The following INSL6 variants were observed in gnomAD, a reference collection of about 807,000 sequenced individuals.
INSL6 encodes the protein insulin like 6, also known as insulin-like peptide INSL6.
INSL6 carries 16 observed loss-of-function variants against 9.4 expected under a neutral mutation model. That is an observed-to-expected ratio of 1.70 (90% CI 1.15 to 2.59). INSL6 has a LOEUF of 2.59. Ranked by LOEUF, INSL6 falls within the 30% of genes most tolerant of loss-of-function variation. The pLI is 0.00. For missense variants in INSL6, 391 were observed against 257.3 expected, an observed-to-expected ratio of 1.52 and a Z score of -3.56; for synonymous variants, 154 against 96.9, an observed-to-expected ratio of 1.59 and a Z score of -3.46.
intron 1 of INSL6, among the ~76,000 whole-genome samples, chr9:5,170,378 T>C (rs1187026153): frequency 6.6e-6 from 1 of 152,132 alleles, no homozygotes; most frequent in Non-Finnish European, 1.5e-5. Flanking sequence ...TTTATAGCGC[T>C]AAATGCCCAT....
At chr9:5,085,426 A>G in the INSL6 span, 15 of 749,576 alleles carry the variant, frequency 2.0e-5, no homozygotes, top group Admixed American at 3.5e-5. Flanking sequence ...ACTGTTGGCT[A>G]TCAGGCTCGC....
intron 2 of INSL6, among the ~76,000 whole-genome samples, chr9:5,135,741 A>T (rs552659059): frequency 4.1e-4 from 62 of 152,298 alleles, no homozygotes; most frequent in Non-Finnish European, 6.3e-4. Context: ...ACAAATTTAA[A>T]AGCTAGCAGA....
the INSL6 span, among the ~76,000 whole-genome samples, chr9:5,089,496 C>T: frequency 1.4e-5 from 2 of 138,682 alleles, no homozygotes; most frequent in South Asian, 4.6e-4. Flanking sequence ...CGAGATCGTG[C>T]CACTGCACTC....
intron 2 of INSL6, among the ~76,000 whole-genome samples, chr9:5,138,191 A>G (rs1824422947): frequency 6.6e-6 from 1 of 152,226 alleles, no homozygotes; most frequent in African/African-American, 2.4e-5. Context: ...TCAAGGATCT[A>G]GAGTTAGAAA....
At chr9:5,103,764 C>G in the INSL6 span, among the ~76,000 whole-genome samples, 1 of 152,150 alleles carries the variant, frequency 6.6e-6, no homozygotes, top group African/African-American at 2.4e-5. Context: ...CTAAGAAACT[C>G]ACTCAAAACC....
At chr9:5,071,049 G>A in the INSL6 span, among the ~76,000 whole-genome samples, 95,480 of 152,060 alleles carry the variant, frequency 0.63, 32,061 homozygotes, top group African/African-American at 0.88. Flanking sequence ...CTGCGCTTCT[G>A]GTGAGGAAAA....
chr9:5,121,859 G>C (rs1823638531), downstream of INSL6, among the ~76,000 whole-genome samples: 1 of 152,130 alleles, frequency 6.6e-6, no homozygotes, highest in South Asian at 2.1e-4. Flanking sequence ...ATTACAATGA[G>C]TGCTATATGA....
chr9:4,998,401 C>CAT, the INSL6 span, among the ~76,000 whole-genome samples: 1 of 151,862 alleles, frequency 6.6e-6, no homozygotes, highest in Non-Finnish European at 1.5e-5. Context: ...GGATTATAGG[C>CAT]GCGCACCACC....
chr9:5,123,106 T>G (rs1823738719), downstream of INSL6: 1 of 1,599,572 alleles, frequency 6.3e-7, no homozygotes, highest in Middle Eastern at 1.7e-4. Flanking sequence ...TTGAGAAGAG[T>G]AAAAGTCCAC....
the INSL6 span, among the ~76,000 whole-genome samples, chr9:5,066,419 T>C: frequency 5.3e-5 from 8 of 152,104 alleles, no homozygotes; most frequent in African/African-American, 1.9e-4. Context: ...AATGAACAAA[T>C]TGTTCTTTGT....
the INSL6 span, among the ~76,000 whole-genome samples, chr9:5,070,612 T>C: frequency 2.6e-5 from 4 of 152,244 alleles, no homozygotes; most frequent in Non-Finnish European, 4.4e-5. Flanking sequence ...GAGCAGGACT[T>C]GCTGTGTCAC....
chr9:5,172,737 G>A (rs749887566), intron 1 of INSL6, among the ~76,000 whole-genome samples: 2 of 152,122 alleles, frequency 1.3e-5, no homozygotes, highest in African/African-American at 4.8e-5. Context: ...AGACCAGTCT[G>A]GCCAATGTAG....
Position 5,185,530 on chromosome 9 carries a change from C to T in INSL6, c.73G>A (p.Asp25Asn). ...LLVRFSRELS[D>N]ISSARKLCGR... ...CACAGCTTCCTGGCACTGCTGATGT[C>T]GCTCAGTTCACGAGAAAACCGAACC... The change falls in exon 1 of 2, where the codon GAC (aspartate) becomes AAC (asparagine). Residue 25 changes from aspartate to asparagine, a missense_variant. By Grantham distance (23) the Asp-to-Asn change is conservative (BLOSUM62 1). Coordinates refer to ENST00000381641, the MANE Select transcript of INSL6 (RefSeq NM_007179.3). 1 of 1,614,136 alleles carries T rather than the reference C, an allele frequency of 6.2e-7. No individual in the cohort carries two copies. The highest frequency in any genetic ancestry group is 8.5e-7 in the Non-Finnish European group (1 of 1,180,044).
chr9:5,057,116 T>G, the INSL6 span, among the ~76,000 whole-genome samples: 1 of 152,170 alleles, frequency 6.6e-6, no homozygotes, highest in South Asian at 2.1e-4. Flanking sequence ...ATACAAGTAT[T>G]ATTTTATGTT....
intron 2 of INSL6, among the ~76,000 whole-genome samples, chr9:5,138,518 T>G (rs1824428463): frequency 6.6e-6 from 1 of 151,864 alleles, no homozygotes; most frequent in Non-Finnish European, 1.5e-5. Context: ...CACTCATAAG[T>G]GGGAGTTGAA....
chr9:5,061,037 A>G, the INSL6 span, among the ~76,000 whole-genome samples: 5,606 of 152,308 alleles, frequency 0.037, 157 homozygotes, highest in Non-Finnish European at 0.057. Context: ...TTTGAAAGCA[A>G]TCTTTTTTTC....
At chr9:5,151,912 G>T (rs1169845547) in intron 2 of INSL6, among the ~76,000 whole-genome samples, 1 of 151,958 alleles carries the variant, frequency 6.6e-6, no homozygotes, top group Non-Finnish European at 1.5e-5. Context: ...TACACATGAA[G>T]ATACAGATAG....
chr9:5,080,000 A>G, the INSL6 span, among the ~76,000 whole-genome samples: 1 of 152,138 alleles, frequency 6.6e-6, no homozygotes, highest in Non-Finnish European at 1.5e-5. Flanking sequence ...ACTCAATCAT[A>G]TGTCTCCATG....
At chr9:5,053,831 A>G in the INSL6 span, among the ~76,000 whole-genome samples, 1 of 151,986 alleles carries the variant, frequency 6.6e-6, no homozygotes, top group Non-Finnish European at 1.5e-5. Flanking sequence ...CCTGGATTAG[A>G]TGGTACTTGA....
Sources: gnomAD v4.1 joint callset for allele counts (sites outside exome capture counted in the v4.1 genomes callset) on GRCh38, gnomAD v4.1.1 for gene constraint, MANE v1.5 for transcripts, NCBI Gene and HGNC (gene_info 2026-07-23, HGNC 2026-07-21) for gene names.